VIT: variants seen among roughly 807,000 people sequenced by gnomAD.
The protein encoded by VIT is vitrin.
A neutral mutation model predicts 78.0 loss-of-function variants in VIT; 99 were observed. The observed-to-expected ratio is 1.27, with a 90% CI of 1.08 to 1.50. VIT has a LOEUF of 1.50. Among genes scored for constraint, VIT ranks in the 40% most tolerant of loss-of-function variants. The pLI is 0.00. For synonymous variants in VIT, 374 were observed against 334.3 expected (o/e 1.12, Z -1.29); for missense variants, 1,126 against 875.3 (o/e 1.29, Z -3.61).
rs150870896 is a variant in VIT at position 36,796,746 on chromosome 2, C to T, written c.1059-4555C>T. On this transcript the variant is annotated intron_variant, in intron 12 of 15. Coordinates refer to ENST00000379242, the MANE Select transcript of VIT (RefSeq NM_053276.4). ...CCTCTCAAAGTGCTAGGATTACAGG[C>T]GTGAACCACCATGCCTGGCCTGTAA... Among the ~76,000 whole-genome samples, 1,364 of 152,052 alleles carry T rather than the reference C, an allele frequency of 9.0e-3. 8 individuals are homozygous for T. The highest frequency in any genetic ancestry group is 0.015 in the Non-Finnish European group (1,041 of 67,982).
chr2:36,705,386 T>C (rs1277499482), intron 1 of VIT, among the ~76,000 whole-genome samples: 2 of 152,358 alleles, frequency 1.3e-5, no homozygotes, highest in Admixed American at 6.5e-5. Context: ...ATGTAATTAC[T>C]GTTTGCAGTG....
At chr2:36,768,909 A>G (rs1407126421) in intron 7 of VIT, among the ~76,000 whole-genome samples, 1 of 152,236 alleles carries the variant, frequency 6.6e-6, no homozygotes, top group East Asian at 1.9e-4. Flanking sequence ...AATTATTATT[A>G]TGCTATTTTA....
intron 11 of VIT, among the ~76,000 whole-genome samples, chr2:36,784,769 T>C (rs563349257): frequency 6.6e-6 from 1 of 152,380 alleles, no homozygotes; most frequent in South Asian, 2.1e-4. Context: ...ACACTGAACA[T>C]TGTATAACCC....
chr2:36,721,963 G>A (rs918446275), intron 2 of VIT, among the ~76,000 whole-genome samples: 12 of 152,128 alleles, frequency 7.9e-5, no homozygotes, highest in Admixed American at 1.3e-4. Context: ...GAGCTGTGTC[G>A]TGCTCAGTGT....
At chr2:36,717,410 GTTT>G (rs1666232636) in intron 2 of VIT, among the ~76,000 whole-genome samples, 4 of 48,436 alleles carry the variant, frequency 8.3e-5, no homozygotes, top group African/African-American at 1.5e-4. Flanking sequence ...TAGAGATGGG[GTTT>G]CACCGTGTGA....
At chr2:36,751,986 A>C (rs566094310) in intron 4 of VIT, among the ~76,000 whole-genome samples, 13 of 152,188 alleles carry the variant, frequency 8.5e-5, no homozygotes, top group Non-Finnish European at 1.5e-4. Flanking sequence ...TATATTGGGG[A>C]TCTATAACCA....
At chr2:36,782,786 A>C (rs1290538453) in intron 10 of VIT, among the ~76,000 whole-genome samples, 3 of 152,174 alleles carry the variant, frequency 2.0e-5, no homozygotes, top group Non-Finnish European at 2.9e-5. Flanking sequence ...CTAGTCTCAA[A>C]CACCTGGGAG....
chr2:36,774,896 T>A, intron 8 of VIT, 106 bp from the exon 9 acceptor site: 1 of 1,547,244 alleles, frequency 6.5e-7, no homozygotes, highest in Non-Finnish European at 8.8e-7. Flanking sequence ...TCGGCCGACT[T>A]CCAAGGAAAA....
chr2:36,740,998 C>T (rs1175538193), intron 3 of VIT, among the ~76,000 whole-genome samples: 2 of 152,206 alleles, frequency 1.3e-5, no homozygotes, highest in African/African-American at 4.8e-5. Flanking sequence ...GTGCCAGAGT[C>T]ACATCAAAAT....
intron 9 of VIT, among the ~76,000 whole-genome samples, chr2:36,781,053 T>C (rs1664717988): frequency 6.6e-6 from 1 of 152,142 alleles, no homozygotes; most frequent in South Asian, 2.1e-4. Context: ...CCATTAAACA[T>C]CTTACTGCAT....
intron 1 of VIT, among the ~76,000 whole-genome samples, chr2:36,708,026 C>G (rs1665545616): frequency 1.3e-5 from 2 of 151,960 alleles, no homozygotes; most frequent in Admixed American, 6.6e-5. Context: ...ACGGGAAATG[C>G]AGTGTTTCAG....
intron 4 of VIT, among the ~76,000 whole-genome samples, chr2:36,745,840 T>C (rs1347697459): frequency 6.6e-6 from 1 of 152,206 alleles, no homozygotes; most frequent in Non-Finnish European, 1.5e-5. Flanking sequence ...TCTAGTACTA[T>C]GTGAAATAGG....
chr2:36,759,449 A>G (rs1668975144), intron 6 of VIT: 1 of 1,231,360 alleles, frequency 8.1e-7, no homozygotes, highest in Non-Finnish European at 1.0e-6. Context: ...GGTTTATGTG[A>G]TAACAGCAAG....
intron 12 of VIT, among the ~76,000 whole-genome samples, chr2:36,795,264 T>A (rs1380755320): frequency 6.6e-6 from 1 of 152,054 alleles, no homozygotes; most frequent in Non-Finnish European, 1.5e-5. Context: ...TTTTTGGATA[T>A]GTGTAGAGGT....
intron 11 of VIT, among the ~76,000 whole-genome samples, chr2:36,786,082 C>A (rs1665074002): frequency 6.6e-6 from 1 of 152,092 alleles, no homozygotes; most frequent in South Asian, 2.1e-4. Flanking sequence ...GCAGGTCCGT[C>A]TGGCCGCTGC....
chr2:36,812,684 A>G (rs1667264720), intron 15 of VIT, among the ~76,000 whole-genome samples: 1 of 152,020 alleles, frequency 6.6e-6, no homozygotes, highest in Non-Finnish European at 1.5e-5. Flanking sequence ...GTTCTGCTCC[A>G]GTTACCACCT....
chr2:36,756,676 G>C (rs1046135571), intron 5 of VIT, among the ~76,000 whole-genome samples: 3 of 152,086 alleles, frequency 2.0e-5, no homozygotes, highest in Non-Finnish European at 2.9e-5. Context: ...ATAGCGGAAG[G>C]GTATCAACCG....
At chr2:36,720,874 G>C (rs991951637) in intron 2 of VIT, among the ~76,000 whole-genome samples, 1 of 152,164 alleles carries the variant, frequency 6.6e-6, no homozygotes, top group Non-Finnish European at 1.5e-5. Context: ...GCCAGGTATG[G>C]TAGCGGGCAC....
chr2:36,796,160 G>A (rs1665887295), intron 12 of VIT, among the ~76,000 whole-genome samples: 1 of 149,148 alleles, frequency 6.7e-6, no homozygotes, highest in South Asian at 2.1e-4. Flanking sequence ...AAGGCTAAAA[G>A]CCAAAGAAAT....
Sources: gnomAD v4.1 joint callset for allele counts (sites outside exome capture counted in the v4.1 genomes callset) on GRCh38, gnomAD v4.1.1 for gene constraint, MANE v1.5 for transcripts, NCBI Gene and HGNC (gene_info 2026-07-23, HGNC 2026-07-21) for gene names.